The following LMBR1 variants were observed in gnomAD, a reference collection of about 807,000 sequenced individuals.
LMBR1 encodes the protein limb region 1 protein homolog.
A neutral mutation model predicts 73.9 loss-of-function variants in LMBR1; 52 were observed. The ratio of observed to expected loss-of-function variants is 0.70; its 90% CI spans 0.56 to 0.89. The LOEUF (loss-of-function observed/expected upper bound fraction) is 0.89. Among genes scored for constraint, LMBR1 ranks in the 40% least tolerant of loss-of-function variants. The pLI, the probability that LMBR1 is intolerant of heterozygous loss-of-function variation, is 0.00. For synonymous variants in LMBR1, 215 were observed against 209.4 expected, an observed-to-expected ratio of 1.03 and a Z score of -0.23; for missense variants, 539 against 579.8, an observed-to-expected ratio of 0.93 and a Z score of 0.72.
At chr7:156,698,346 T>C (rs1456836041) in intron 15 of LMBR1, among the ~76,000 whole-genome samples, 4 of 152,188 alleles carry the variant, frequency 2.6e-5, no homozygotes, top group Admixed American at 2.0e-4. Flanking sequence ...GGCCCTCTTC[T>C]CACAGCTCCA....
intron 4 of LMBR1, among the ~76,000 whole-genome samples, chr7:156,799,912 C>T (rs1362760418): frequency 6.6e-6 from 1 of 152,238 alleles, no homozygotes; most frequent in Non-Finnish European, 1.5e-5. Context: ...CCAGCCACAA[C>T]ATTCCCTAAA....
chr7:156,807,365 T>G (rs1832325157), intron 4 of LMBR1, among the ~76,000 whole-genome samples: 2 of 152,236 alleles, frequency 1.3e-5, no homozygotes, highest in Admixed American at 1.3e-4. Context: ...AAGCTTTATT[T>G]GTGAGAATGT....
intron 1 of LMBR1, among the ~76,000 whole-genome samples, chr7:156,887,569 G>A (rs1006150959): frequency 5.9e-5 from 9 of 151,834 alleles, no homozygotes; most frequent in Non-Finnish European, 7.4e-5. Flanking sequence ...ACTCTTAGAG[G>A]AAAACCTTCA....
At chr7:156,704,517 G>A (rs1315667652) in intron 15 of LMBR1, among the ~76,000 whole-genome samples, 1 of 151,386 alleles carries the variant, frequency 6.6e-6, no homozygotes, top group East Asian at 1.9e-4. Flanking sequence ...AGAAATCAAT[G>A]TAAAGATACA....
chr7:156,808,437 T>C (rs1333217772), intron 4 of LMBR1, among the ~76,000 whole-genome samples: 1 of 152,182 alleles, frequency 6.6e-6, no homozygotes, highest in African/African-American at 2.4e-5. Flanking sequence ...ATGGTGTATC[T>C]TTTTTCTCCT....
chr7:156,689,973 AGGG>A (rs1322899500), intron 15 of LMBR1, among the ~76,000 whole-genome samples: 1 of 152,244 alleles, frequency 6.6e-6, no homozygotes, highest in Admixed American at 6.5e-5. Context: ...TTTTATCATT[AGGG>A]CCAAAGACTC....
intron 1 of LMBR1, among the ~76,000 whole-genome samples, chr7:156,862,118 C>A (rs1007504011): frequency 1.3e-5 from 2 of 152,156 alleles, no homozygotes; most frequent in Admixed American, 6.6e-5. Context: ...AGAAACTGGG[C>A]AATTTACAAA....
intron 1 of LMBR1, among the ~76,000 whole-genome samples, chr7:156,857,021 A>G (rs955188485): frequency 6.6e-6 from 1 of 152,200 alleles, no homozygotes; most frequent in Admixed American, 6.5e-5. Flanking sequence ...AAAGAAGTAT[A>G]ATTGATATGC....
intron 15 of LMBR1, among the ~76,000 whole-genome samples, chr7:156,722,739 G>A (rs1206346731): frequency 6.6e-6 from 1 of 151,768 alleles, no homozygotes; most frequent in African/African-American, 2.4e-5. Context: ...TTATCTCTAT[G>A]GCAAACTACT....
At chr7:156,804,856 T>C (rs1178501052) in intron 4 of LMBR1, among the ~76,000 whole-genome samples, 1 of 152,138 alleles carries the variant, frequency 6.6e-6, no homozygotes, top group African/African-American at 2.4e-5. Flanking sequence ...AATTTATCCA[T>C]TTTTTTCTTT....
At chr7:156,676,550 T>G, downstream of LMBR1, 1 of 1,614,204 alleles carries the variant, frequency 6.2e-7, no homozygotes, top group Non-Finnish European at 8.5e-7. Context: ...TGTTCCACCA[T>G]GCGTGTCTGC....
In LMBR1 at chr7:156,713,206, TAAG is replaced by T. The variant is rs541257427; in HGVS notation, c.1225+10903_1225+10905del. ...GGGAAAGGTGAAACTACTGAGACAG[TAAG>T]AAGATTAGTGGCTGCCGGGGGTGAG... On this transcript the variant is annotated intron_variant, in intron 15 of 16. Coordinates refer to ENST00000353442, the MANE Select transcript of LMBR1 (RefSeq NM_022458.4). Among the ~76,000 whole-genome samples the T allele has an allele frequency of 1.1e-4, 17 of 152,082 alleles. No individual in the cohort carries two copies. In the South Asian group the frequency reaches 2.7e-3, roughly 24 times the overall value.
intron 5 of LMBR1, among the ~76,000 whole-genome samples, chr7:156,782,142 T>C (rs759814447): frequency 1.3e-5 from 2 of 152,232 alleles, no homozygotes; most frequent in Non-Finnish European, 2.9e-5. Flanking sequence ...TTGTAGCATG[T>C]GTCATAATTT....
chr7:156,762,242 A>T (rs768746158), intron 7 of LMBR1, 44 bp from the exon 8 acceptor site: 1 of 1,262,484 alleles, frequency 7.9e-7, no homozygotes, highest in African/African-American at 1.5e-5. Context: ...GACATTATAG[A>T]GCTTGGAGAA....
chr7:156,829,390 C>G (rs1260472653), intron 3 of LMBR1, among the ~76,000 whole-genome samples: 1 of 152,110 alleles, frequency 6.6e-6, no homozygotes, highest in Non-Finnish European at 1.5e-5. Flanking sequence ...GCAGACAGAC[C>G]CTACAGTAAT....
At chr7:156,754,011 G>A (rs1401853026) in intron 9 of LMBR1, among the ~76,000 whole-genome samples, 7 of 152,078 alleles carry the variant, frequency 4.6e-5, no homozygotes, top group African/African-American at 1.7e-4. Context: ...TCGAGACTCA[G>A]CGTCTTAATT....
chr7:156,686,735 G>A (rs978538055), intron 16 of LMBR1, among the ~76,000 whole-genome samples: 14 of 152,132 alleles, frequency 9.2e-5, no homozygotes, highest in Admixed American at 7.2e-4. Flanking sequence ...CTAAAGTTAC[G>A]GCAGTTCATT....
At chr7:156,856,546 C>G (rs1243102958) in intron 1 of LMBR1, among the ~76,000 whole-genome samples, 3 of 151,850 alleles carry the variant, frequency 2.0e-5, no homozygotes, top group Non-Finnish European at 2.9e-5. Flanking sequence ...CATCGAGAAA[C>G]CCCATCTCTA....
chr7:156,681,100 G>C lies in LMBR1; in HGVS notation c.*2978C>G, dbSNP rs1370922745. On this transcript the variant is annotated 3_prime_UTR_variant, in exon 17 of 17. Transcript: ENST00000353442. ...ATGTTCACATTAAAAAAAAAAACTT[G>C]TAAGAATTCTGCCTTTATGCATTAA... 1 of 415,520 alleles carries C rather than the reference G, an allele frequency of 2.4e-6. No individual in the cohort carries two copies. The highest frequency in any genetic ancestry group is 1.8e-5 in the South Asian group (1 of 55,378). 25.7% of individuals were successfully genotyped at this position (415,520 alleles called of 1,614,324 possible).
Sources: gnomAD v4.1 joint callset for allele counts (sites outside exome capture counted in the v4.1 genomes callset) on GRCh38, gnomAD v4.1.1 for gene constraint, MANE v1.5 for transcripts, NCBI Gene and HGNC (gene_info 2026-07-23, HGNC 2026-07-21) for gene names.